The following TACC2 variants were observed in gnomAD, a reference collection of about 807,000 sequenced individuals.
The protein encoded by TACC2 is transforming acidic coiled-coil-containing protein 2.
A neutral mutation model predicts 227.3 loss-of-function variants in TACC2; 137 were observed. The ratio of observed to expected loss-of-function variants is 0.60; its 90% CI spans 0.52 to 0.69. The LOEUF (loss-of-function observed/expected upper bound fraction) is 0.69, where lower values mean the gene tolerates loss of function less well. Among genes scored for constraint, TACC2 ranks in the 30% least tolerant of loss-of-function variants. The pLI, the probability that TACC2 is intolerant of heterozygous loss-of-function variation, is 0.00. For missense variants in TACC2, 3,470 were observed against 3,694.4 expected (o/e 0.94, Z 1.57); for synonymous variants, 1,523 against 1,487.5 (o/e 1.02, Z -0.55).
rs371911357 is a variant in TACC2 at position 122,000,196 on chromosome 10, G to T, written c.-46+10708G>T. Among the ~76,000 whole-genome samples, 19 of 152,224 alleles carry T rather than the reference G, an allele frequency of 1.2e-4. No individual in the cohort carries two copies. In the East Asian group the frequency reaches 3.5e-3, roughly 28 times the overall value. ...CACGAGGTCAGGAGATCGAGACCAC[G>T]GTGAAACCCCGTCTCTACTAAAAAT... On this transcript the variant is annotated intron_variant, in intron 1 of 22. Transcript: ENST00000369005.
At chr10:122,200,048 C>G (rs1357037265) in intron 8 of TACC2, among the ~76,000 whole-genome samples, 1 of 152,250 alleles carries the variant, frequency 6.6e-6, no homozygotes, top group African/African-American at 2.4e-5. Flanking sequence ...GAGCACACAG[C>G]AAGCTGAGGG....
At chr10:122,103,153 T>C (rs531458805) in intron 5 of TACC2, among the ~76,000 whole-genome samples, 1 of 149,808 alleles carries the variant, frequency 6.7e-6, no homozygotes, top group Admixed American at 6.7e-5. Context: ...ATCTTATGAG[T>C]GTGAGGGCTG....
At chr10:122,096,475 TCA>T (rs1451812363) in intron 5 of TACC2, among the ~76,000 whole-genome samples, 1 of 152,080 alleles carries the variant, frequency 6.6e-6, no homozygotes, top group Non-Finnish European at 1.5e-5. Context: ...GGCTGGTGGA[TCA>T]TCTGAGGTCA....
At chr10:122,044,499 T>C (rs2074735592) in intron 2 of TACC2, among the ~76,000 whole-genome samples, 1 of 152,172 alleles carries the variant, frequency 6.6e-6, no homozygotes, top group Non-Finnish European at 1.5e-5. Context: ...TGACCTTTGG[T>C]CTGCTTCCCA....
intron 7 of TACC2, among the ~76,000 whole-genome samples, chr10:122,172,970 A>T (rs1028142265): frequency 7.2e-5 from 11 of 152,180 alleles, no homozygotes; most frequent in Admixed American, 7.2e-4. Flanking sequence ...CCTGGGGCCT[A>T]AAGAGGTGTT....
chr10:122,206,301 C>T (rs1478326073), intron 8 of TACC2, among the ~76,000 whole-genome samples: 1 of 152,240 alleles, frequency 6.6e-6, no homozygotes, highest in Non-Finnish European at 1.5e-5. Context: ...TCAACTTGGG[C>T]ATTTTACTGG....
At chr10:122,189,785 A>C (rs1270970508) in intron 7 of TACC2, among the ~76,000 whole-genome samples, 1 of 152,228 alleles carries the variant, frequency 6.6e-6, no homozygotes, top group East Asian at 1.9e-4. Context: ...TATTTAGAGC[A>C]AAGGCTCTTG....
At chr10:122,225,348 G>A (rs1055767122) in intron 12 of TACC2, among the ~76,000 whole-genome samples, 2 of 152,228 alleles carry the variant, frequency 1.3e-5, no homozygotes, top group African/African-American at 4.8e-5. Context: ...CCCTGGATAT[G>A]TTGCTCTTTA....
rs748524655 is a variant in TACC2 at position 122,205,202 on chromosome 10, C to T, written c.5972-5195C>T. ...GAACAGAAGTTTGAGAGCAGACATA[C>T]GAGAGCAAGATAGACCTCAGGAAGC... On this transcript the variant is annotated intron_variant, in intron 8 of 22. Coordinates refer to ENST00000369005, the MANE Select transcript of TACC2 (RefSeq NM_206862.4). The surrounding 1 kb of genome is among the most constrained non-coding windows in gnomAD (Gnocchi z 4.5). Among the ~76,000 whole-genome samples the T allele has an allele frequency of 7.2e-5, 11 of 152,174 alleles. No individual in the cohort carries two copies. The highest frequency in any genetic ancestry group is 1.3e-4 in the Admixed American group (2 of 15,282).
At chr10:122,249,212 C>T (rs576470414) in intron 21 of TACC2, 56 bp downstream of exon 21, 95 of 1,376,822 alleles carry the variant, frequency 6.9e-5, no homozygotes, top group South Asian at 6.1e-4. Flanking sequence ...CCCTTTTACC[C>T]AGGCAGGCTG....
At chr10:122,165,001 C>T (rs771639834) in intron 7 of TACC2, among the ~76,000 whole-genome samples, 3 of 152,088 alleles carry the variant, frequency 2.0e-5, no homozygotes, top group Non-Finnish European at 4.4e-5. Context: ...GAGGAGCTGG[C>T]TCGGCGTAGT....
intron 8 of TACC2, among the ~76,000 whole-genome samples, 188 bp downstream of exon 8, chr10:122,195,364 T>C (rs115908985): frequency 0.023 from 3,517 of 152,252 alleles, 119 homozygotes; most frequent in African/African-American, 0.081. Context: ...CTGGATTATT[T>C]TGCATTTGCT....
intron 11 of TACC2, chr10:122,217,035 A>C: frequency 1.9e-6 from 2 of 1,049,352 alleles, no homozygotes; most frequent in Non-Finnish European, 2.7e-6. Flanking sequence ...TTGACCCAAG[A>C]CTCCTGCTAA....
At position 122,050,971 on chromosome 10, in the gene TACC2, C is replaced by G. The variant is rs999798952; in HGVS notation, c.146+421C>G. 1 of 164,072 alleles carries G rather than the reference C, an allele frequency of 6.1e-6. No homozygotes were observed. Among genetic ancestry groups the G allele is most frequent in the Non-Finnish European group, 1.3e-5 (1 of 75,516 alleles). The allele number at this position is 164,072 out of a possible 1,614,324, so 10.2% of individuals were successfully genotyped here. ...ACTGAGAACACAATTACCAAAGCCA[C>G]CCAAGCCCTTTGTCCCAGGGAGGCT... On this transcript the variant is annotated intron_variant, in intron 3 of 22. Coordinates refer to ENST00000369005, the MANE Select transcript of TACC2 (RefSeq NM_206862.4). The surrounding 1 kb of genome is among the most constrained non-coding windows in gnomAD (Gnocchi z 4.6).
intron 16 of TACC2, among the ~76,000 whole-genome samples, chr10:122,232,664 G>C (rs943701073): frequency 3.3e-5 from 5 of 152,168 alleles, no homozygotes; most frequent in African/African-American, 4.8e-5. Flanking sequence ...GCATTACCTG[G>C]TGATGTTGGC....
At chr10:122,088,016 C>A (rs1219785905) in intron 4 of TACC2, 57 bp downstream of exon 4, 2 of 1,456,220 alleles carry the variant, frequency 1.4e-6, no homozygotes, top group African/African-American at 2.8e-5. Flanking sequence ...AGGTGATTCC[C>A]AGCCTGATTT....
chr10:122,045,325 C>T lies in TACC2; in HGVS notation c.34-5113C>T, dbSNP rs534150705. 8.5e-5 allele frequency among the ~76,000 whole-genome samples: 13 copies of T among 152,322 alleles called. No individual in the cohort carries two copies. The East Asian group carries it at 2.3e-3, about 27-fold the overall frequency. ...AGAGGCCATAGAGCAACGAATTCCA[C>T]TGTATGGCGAAGCAGCGTAAGGCAG... On this transcript the variant is annotated intron_variant, in intron 2 of 22. Transcript: ENST00000369005.
intron 3 of TACC2, among the ~76,000 whole-genome samples, chr10:122,076,285 A>T (rs1259505830): frequency 6.6e-6 from 1 of 152,188 alleles, no homozygotes; most frequent in African/African-American, 2.4e-5. Context: ...ATAACCCAGT[A>T]ATCCATGAAT....
chr10:122,074,332 G>A (rs373666892), intron 3 of TACC2, among the ~76,000 whole-genome samples: 138 of 152,070 alleles, frequency 9.1e-4, no homozygotes, highest in African/African-American at 2.6e-3. Context: ...CACCTGCCTC[G>A]GCCTCCCAAA....
Sources: gnomAD v4.1 joint callset for allele counts (sites outside exome capture counted in the v4.1 genomes callset) on GRCh38, gnomAD v4.1.1 for gene constraint, Gnocchi (gnomAD v3.1) non-coding constraint, MANE v1.5 for transcripts, NCBI Gene and HGNC (gene_info 2026-07-23, HGNC 2026-07-21) for gene names.